The following EPB41L4A variants were observed in gnomAD, a reference collection of about 807,000 sequenced individuals.
EPB41L4A encodes the protein erythrocyte membrane protein band 4.1 like 4A, also known as band 4.1-like protein 4A.
EPB41L4A carries 100 observed loss-of-function variants against 108.6 expected under a neutral mutation model. The observed-to-expected ratio is 0.92, with a 90% CI of 0.78 to 1.09. The LOEUF (loss-of-function observed/expected upper bound fraction) is 1.09. EPB41L4A is among the 50% of genes least tolerant of loss of function. The pLI is 0.00. For synonymous variants in EPB41L4A, 319 were observed against 289.0 expected, an observed-to-expected ratio of 1.10 and a Z score of -1.05; for missense variants, 1,030 against 842.7, an observed-to-expected ratio of 1.22 and a Z score of -2.75.
intron 18 of EPB41L4A, among the ~76,000 whole-genome samples, chr5:112,182,189 T>C (rs1761193430): frequency 1.3e-5 from 2 of 152,218 alleles, no homozygotes; most frequent in Admixed American, 6.5e-5. Flanking sequence ...GGATAGGTTA[T>C]GGATACATTT....
chr5:112,256,521 C>A (rs1751109952), intron 9 of EPB41L4A, among the ~76,000 whole-genome samples: 3 of 152,076 alleles, frequency 2.0e-5, no homozygotes, highest in Non-Finnish European at 4.4e-5. Context: ...TAAAATTCCA[C>A]AGCTTTCAAT....
intron 1 of EPB41L4A, among the ~76,000 whole-genome samples, chr5:112,360,921 C>T (rs1758694743): frequency 1.3e-5 from 2 of 151,966 alleles, no homozygotes; most frequent in African/African-American, 4.8e-5. Context: ...CTCTGCCCCG[C>T]CGCCACTCCG....
chr5:112,312,921 G>A (rs1221894936), intron 1 of EPB41L4A, among the ~76,000 whole-genome samples: 2 of 152,176 alleles, frequency 1.3e-5, no homozygotes, highest in Non-Finnish European at 2.9e-5. Context: ...ACAGAGAACT[G>A]ACATAGAACC....
intron 2 of EPB41L4A, among the ~76,000 whole-genome samples, chr5:112,289,857 GC>G (rs75249306): frequency 0.13 from 20,371 of 152,232 alleles, 1,421 homozygotes; most frequent in East Asian, 0.25. Flanking sequence ...GTAATTTAAA[GC>G]CCCTACATTT....
In EPB41L4A at chr5:112,164,738, GAC is replaced by G. The variant is rs1760122583; in HGVS notation, c.*250_*251del. 3.8e-6 allele frequency: 1 copy of G among 260,650 alleles called. No individual in the cohort carries two copies. The highest frequency in any genetic ancestry group is 7.2e-6 in the Non-Finnish European group (1 of 139,280). 16.1% of individuals were successfully genotyped at this position (260,650 alleles called of 1,614,324 possible). On this transcript the variant is annotated 3_prime_UTR_variant, in exon 23 of 23. Transcript: ENST00000261486. The stretch of plus-strand genomic sequence containing the variant: ...TAATCCCAGCTGCTCGGGAGCCTGA[GAC>G]AGGAGAATCGCTTAACCCAGTAAGT...
intron 1 of EPB41L4A, among the ~76,000 whole-genome samples, chr5:112,418,239 T>C (rs574001560): frequency 1.3e-5 from 2 of 152,342 alleles, no homozygotes; most frequent in African/African-American, 4.8e-5. Context: ...ACTACAAACA[T>C]ACGTACCTTC....
At chr5:112,330,203 T>G (rs1228615685) in intron 1 of EPB41L4A, among the ~76,000 whole-genome samples, 1 of 151,920 alleles carries the variant, frequency 6.6e-6, no homozygotes, top group African/African-American at 2.4e-5. Flanking sequence ...ACTCCCTTTT[T>G]CCTGTAGAGA....
chr5:112,313,654 C>T (rs931450120), intron 1 of EPB41L4A, among the ~76,000 whole-genome samples: 1 of 151,996 alleles, frequency 6.6e-6, no homozygotes, highest in African/African-American at 2.4e-5. Flanking sequence ...ACTTGCAATT[C>T]TTGAAAAGAA....
At chr5:112,349,642 G>C (rs1348417226) in intron 1 of EPB41L4A, among the ~76,000 whole-genome samples, 1 of 152,204 alleles carries the variant, frequency 6.6e-6, no homozygotes, top group Non-Finnish European at 1.5e-5. Flanking sequence ...AAGAAGCAGA[G>C]AATGTAAATG....
At chr5:112,392,589 G>T (rs7704376) in intron 1 of EPB41L4A, 5 of 152,002 alleles carry the variant, frequency 3.3e-5, no homozygotes, top group Non-Finnish European at 5.9e-5. Context: ...GATTCATAAA[G>T]CAAGTCCTTA....
intron 4 of EPB41L4A, among the ~76,000 whole-genome samples, chr5:112,267,653 C>T (rs1751956729): frequency 2.0e-5 from 3 of 146,348 alleles, no homozygotes; most frequent in South Asian, 4.1e-4. Context: ...CACCAGGTCA[C>T]TCTCTCCTAA....
intron 12 of EPB41L4A, among the ~76,000 whole-genome samples, chr5:112,220,609 G>C (rs1186298340): frequency 6.6e-6 from 1 of 152,146 alleles, no homozygotes; most frequent in Non-Finnish European, 1.5e-5. Context: ...GTACATCTTA[G>C]AAAGCCTCTG....
At chr5:112,323,702 G>A (rs556137944) in intron 1 of EPB41L4A, among the ~76,000 whole-genome samples, 1 of 152,268 alleles carries the variant, frequency 6.6e-6, no homozygotes, top group African/African-American at 2.4e-5. Context: ...CTCTGAAATG[G>A]TCAGTGTAAC....
chr5:112,244,234 G>A (rs1750030661), intron 9 of EPB41L4A, among the ~76,000 whole-genome samples: 1 of 152,210 alleles, frequency 6.6e-6, no homozygotes, highest in East Asian at 1.9e-4. Context: ...GCCAGTCTGT[G>A]GAGCAGTCAG....
chr5:112,157,020 G>A (rs1421479952), intron 12 of EPB41L4A, among the ~76,000 whole-genome samples: 2 of 152,026 alleles, frequency 1.3e-5, no homozygotes, highest in African/African-American at 4.8e-5. Context: ...GGAGGGCAGG[G>A]TATTTGCCCC....
intron 11 of EPB41L4A, among the ~76,000 whole-genome samples, chr5:112,238,555 A>T (rs1047909096): frequency 1.3e-5 from 2 of 152,246 alleles, no homozygotes; most frequent in African/African-American, 4.8e-5. Flanking sequence ...AAAATCTAGC[A>T]TAGAGGACTA....
chr5:112,352,191 T>G (rs1758085448), intron 1 of EPB41L4A, among the ~76,000 whole-genome samples: 1 of 152,254 alleles, frequency 6.6e-6, no homozygotes, highest in African/African-American at 2.4e-5. Flanking sequence ...GTTCTTGCTT[T>G]TCTAGTTCCT....
At chr5:112,220,245 G>A (rs1437267966) in intron 12 of EPB41L4A, among the ~76,000 whole-genome samples, 3 of 152,188 alleles carry the variant, frequency 2.0e-5, no homozygotes, top group African/African-American at 7.2e-5. Context: ...ATATCTAACA[G>A]TGATATATTA....
At chr5:112,409,437 T>A (rs1195329750) in intron 1 of EPB41L4A, among the ~76,000 whole-genome samples, 2 of 152,102 alleles carry the variant, frequency 1.3e-5, no homozygotes, top group African/African-American at 4.8e-5. Context: ...CGTAAATATA[T>A]GAACAACCAC....
Sources: allele counts gnomAD v4.1 joint callset (sites outside exome capture counted in the v4.1 genomes callset), GRCh38; gene constraint gnomAD v4.1.1; transcripts MANE v1.5; gene names NCBI Gene and HGNC (gene_info 2026-07-23, HGNC 2026-07-21).